SCAPER: variants seen among roughly 807,000 people sequenced by gnomAD.
SCAPER encodes the protein S-phase cyclin A associated protein in the ER, also known as S phase cyclin A-associated protein in the endoplasmic reticulum.
Under a neutral mutation model 182.2 loss-of-function variants are expected in SCAPER, and 98 were observed. That is an observed-to-expected ratio of 0.54 (90% CI 0.46 to 0.64). SCAPER has a LOEUF of 0.64. Ranked by LOEUF, SCAPER falls within the 30% of genes least tolerant of loss-of-function variation. The pLI, the probability that SCAPER is intolerant of heterozygous loss-of-function variation, is 0.00. For missense variants in SCAPER, 1,432 were observed against 1,690.0 expected (o/e 0.85, Z 2.68); for synonymous variants, 605 against 564.6 (o/e 1.07, Z -1.01).
intron 23 of SCAPER, among the ~76,000 whole-genome samples, chr15:76,565,428 GT>G (rs1414702943): frequency 6.6e-6 from 1 of 152,036 alleles, no homozygotes; most frequent in Non-Finnish European, 1.5e-5. Context: ...TTTTTAAAAA[GT>G]TCCACATCAC....
intron 27 of SCAPER, among the ~76,000 whole-genome samples, chr15:76,385,753 T>C (rs1402355980): frequency 1.3e-5 from 2 of 152,168 alleles, no homozygotes; most frequent in African/African-American, 4.8e-5. Context: ...AAAGCCAAAG[T>C]ACCTGTGCTC....
chr15:76,724,986 T>C (rs1035550159), intron 17 of SCAPER, among the ~76,000 whole-genome samples: 2 of 152,010 alleles, frequency 1.3e-5, no homozygotes, highest in Non-Finnish European at 2.9e-5. Context: ...CATTCCTCAG[T>C]TGGAAATGCA....
chr15:76,654,010 A>G (rs2055397734), intron 21 of SCAPER, among the ~76,000 whole-genome samples: 2 of 152,194 alleles, frequency 1.3e-5, no homozygotes, highest in Admixed American at 6.5e-5. Flanking sequence ...ACAAATCAAC[A>G]AAGAAAATAA....
At chr15:76,633,513 C>A (rs1297960583) in intron 21 of SCAPER, among the ~76,000 whole-genome samples, 1 of 152,214 alleles carries the variant, frequency 6.6e-6, no homozygotes, top group Non-Finnish European at 1.5e-5. Flanking sequence ...CTCACCAGAG[C>A]CAGCAGGCAG....
intron 11 of SCAPER, among the ~76,000 whole-genome samples, chr15:76,766,204 C>T (rs1306526966): frequency 6.6e-6 from 1 of 152,106 alleles, no homozygotes; most frequent in Non-Finnish European, 1.5e-5. Context: ...TCAAACTATT[C>T]TCCTGCCTCA....
intron 25 of SCAPER, among the ~76,000 whole-genome samples, chr15:76,448,274 G>A (rs942405286): frequency 1.3e-5 from 2 of 152,148 alleles, no homozygotes; most frequent in Non-Finnish European, 2.9e-5. Context: ...TAACAGCAGG[G>A]AAGGAGGCTA....
chr15:76,808,805 A>C (rs1280134115), intron 5 of SCAPER, among the ~76,000 whole-genome samples: 1 of 152,230 alleles, frequency 6.6e-6, no homozygotes, highest in African/African-American at 2.4e-5. Context: ...CCCTGGGAGC[A>C]ACAAAGTACA....
intron 20 of SCAPER, among the ~76,000 whole-genome samples, chr15:76,701,276 C>T (rs1238934328): frequency 6.6e-6 from 1 of 152,060 alleles, no homozygotes; most frequent in Non-Finnish European, 1.5e-5. Context: ...TTAGCTATAT[C>T]ATCCAAGTTT....
chr15:76,694,989 T>G (rs757978349), intron 20 of SCAPER, among the ~76,000 whole-genome samples: 26 of 152,108 alleles, frequency 1.7e-4, no homozygotes, highest in Non-Finnish European at 3.7e-4. Context: ...TAATAACGAT[T>G]TATTATTTTT....
At chr15:76,777,652 C>T (rs2063826141) in intron 8 of SCAPER, among the ~76,000 whole-genome samples, 1 of 152,144 alleles carries the variant, frequency 6.6e-6, no homozygotes, top group African/African-American at 2.4e-5. Context: ...TGAGATCGCA[C>T]CATGGCATTC....
chr15:76,364,669 G>A (rs919573618), intron 29 of SCAPER, among the ~76,000 whole-genome samples: 3 of 152,146 alleles, frequency 2.0e-5, no homozygotes, highest in African/African-American at 7.2e-5. Flanking sequence ...TCCTGCAGGG[G>A]AGAATAATGC....
intron 25 of SCAPER, among the ~76,000 whole-genome samples, chr15:76,458,278 T>C (rs1026825457): frequency 2.0e-5 from 3 of 151,772 alleles, no homozygotes; most frequent in African/African-American, 4.8e-5. Flanking sequence ...TGTGTGTGTG[T>C]GCGTGTATAT....
intron 28 of SCAPER, among the ~76,000 whole-genome samples, chr15:76,379,377 G>C (rs1227080044): frequency 2.0e-5 from 3 of 152,190 alleles, no homozygotes; most frequent in South Asian, 2.1e-4. Flanking sequence ...CTGGAGAATT[G>C]TGAGAACCAG....
chr15:76,657,654 T>C (rs991666944), intron 21 of SCAPER, among the ~76,000 whole-genome samples: 2 of 145,462 alleles, frequency 1.4e-5, no homozygotes, highest in African/African-American at 5.1e-5. Flanking sequence ...ATGACATGCA[T>C]ACAAAAATCC....
At chr15:76,643,668 C>A (rs955044024) in intron 21 of SCAPER, among the ~76,000 whole-genome samples, 1 of 152,006 alleles carries the variant, frequency 6.6e-6, no homozygotes, top group Non-Finnish European at 1.5e-5. Flanking sequence ...GGTGACAGGG[C>A]GAAACTCTGT....
At chr15:76,821,691 G>C (rs1165587371) in intron 5 of SCAPER, among the ~76,000 whole-genome samples, 1 of 152,054 alleles carries the variant, frequency 6.6e-6, no homozygotes, top group African/African-American at 2.4e-5. Flanking sequence ...AGCACTTTGG[G>C]AGGCTGAGGT....
chr15:76,890,993 T>C (rs1334787502), intron 1 of SCAPER, among the ~76,000 whole-genome samples: 2 of 152,212 alleles, frequency 1.3e-5, no homozygotes, highest in Non-Finnish European at 2.9e-5. Context: ...GCTTCATCCC[T>C]GGGATGCAAG....
intron 21 of SCAPER, among the ~76,000 whole-genome samples, chr15:76,641,554 C>T (rs1214445411): frequency 6.6e-6 from 1 of 152,020 alleles, no homozygotes; most frequent in Non-Finnish European, 1.5e-5. Flanking sequence ...GAGAGAGCCC[C>T]GATGCATTGC....
chr15:76,830,161 T>C (rs991906937), intron 5 of SCAPER, among the ~76,000 whole-genome samples: 6 of 151,930 alleles, frequency 3.9e-5, no homozygotes, highest in African/African-American at 1.4e-4. Context: ...CCAGGAAACA[T>C]GCAAGGACAT....
Sources: gnomAD v4.1 joint callset for allele counts (sites outside exome capture counted in the v4.1 genomes callset) on GRCh38, gnomAD v4.1.1 for gene constraint, MANE v1.5 for transcripts, NCBI Gene and HGNC (gene_info 2026-07-23, HGNC 2026-07-21) for gene names.